CSMD3: variants seen among roughly 807,000 people sequenced by gnomAD.
CSMD3 encodes the protein CUB and Sushi multiple domains 3.
In CSMD3, 177 loss-of-function variants were observed where a neutral mutation model predicts 435.2. The observed-to-expected ratio is 0.41, with a 90% CI of 0.36 to 0.46. The LOEUF is 0.46. Ranked by LOEUF, CSMD3 falls within the 20% of genes least tolerant of loss-of-function variation. The pLI is 0.34. For missense variants in CSMD3, 4,265 were observed against 4,504.6 expected, an observed-to-expected ratio of 0.95 and a Z score of 1.52; for synonymous variants, 1,656 against 1,520.5, an observed-to-expected ratio of 1.09 and a Z score of -2.07.
chr8:112,267,694 G>C (rs180907201), intron 59 of CSMD3, among the ~76,000 whole-genome samples: 1 of 152,026 alleles, frequency 6.6e-6, no homozygotes, highest in Non-Finnish European at 1.5e-5. Context: ...GCTGAGATGC[G>C]GCCACCAAAA....
rs1172429896 is a variant in CSMD3, at chr8:113,090,942, C to CTCTT, written c.917+7810_917+7813dup. On this transcript the variant is annotated intron_variant, in intron 5 of 70. Transcript: ENST00000297405. ...CCTCACTTTCAGGACATGATTTTGC[C>CTCTT]TCTTTCTTAAGAAAGAAATTAGAAA... Among the ~76,000 whole-genome samples, 12 of 152,006 alleles carry CTCTT rather than the reference C, an allele frequency of 7.9e-5. No individual in the cohort carries two copies. In the East Asian group the frequency reaches 2.3e-3, roughly 29 times the overall value.
chr8:112,709,945 A>G (rs1031266631), intron 13 of CSMD3, among the ~76,000 whole-genome samples: 1 of 152,090 alleles, frequency 6.6e-6, no homozygotes, highest in African/African-American at 2.4e-5. Context: ...TTTTGCAAGT[A>G]TATGTAATTT....
chr8:112,296,041 G>A (rs771219248), intron 53 of CSMD3, 35 bp from the exon 54 acceptor site: 1 of 1,523,844 alleles, frequency 6.6e-7, no homozygotes, highest in Non-Finnish European at 9.1e-7. Context: ...TTTTAATACT[G>A]TGATTTGTTT....
chr8:112,443,954 C>T (rs1815322298), intron 32 of CSMD3, among the ~76,000 whole-genome samples: 1 of 152,112 alleles, frequency 6.6e-6, no homozygotes, highest in African/African-American at 2.4e-5. Context: ...GGTACAATAT[C>T]TATTCTCATT....
At position 112,573,742 on chromosome 8, in the gene CSMD3, A is replaced by G. The variant is rs528657328; in HGVS notation, c.3886-85T>C. On this transcript the variant is annotated intron_variant, in intron 23 of 70. Coordinates refer to ENST00000297405, the MANE Select transcript of CSMD3 (RefSeq NM_198123.2). ...GTATTTGTATCTATGAAAAAGAGAA[A>G]AGTGTACTTTTTCTAAATCAGATCA... The G allele has an allele frequency of 4.4e-6, 5 of 1,127,452 alleles. No homozygotes were observed. The African/African-American group carries it at 7.9e-5, about 18-fold the overall frequency. 69.8% of individuals were successfully genotyped at this position (1,127,452 alleles called of 1,614,324 possible). A position where few individuals can be genotyped will look rare whatever the true frequency, so the allele number is the denominator to read the frequency against.
chr8:112,828,632 G>C (rs2079770312), intron 12 of CSMD3, among the ~76,000 whole-genome samples: 1 of 152,258 alleles, frequency 6.6e-6, no homozygotes, highest in Admixed American at 6.5e-5. Flanking sequence ...AAATAATCCA[G>C]TCTCAGGTAG....
chr8:113,255,968 T>C (rs1444412872), intron 3 of CSMD3, among the ~76,000 whole-genome samples: 1 of 152,016 alleles, frequency 6.6e-6, no homozygotes, highest in Non-Finnish European at 1.5e-5. Flanking sequence ...TATTTAAGCC[T>C]CCAATTCTTT....
chr8:112,352,304 C>A, intron 39 of CSMD3, 112 bp downstream of exon 39: 1 of 1,536,842 alleles, frequency 6.5e-7, no homozygotes, highest in Non-Finnish European at 8.9e-7. Flanking sequence ...CTTTTGACCT[C>A]AGACACAAAC....
intron 31 of CSMD3, among the ~76,000 whole-genome samples, chr8:112,477,885 C>T (rs534959453): frequency 1.0e-3 from 153 of 152,318 alleles, no homozygotes; most frequent in African/African-American, 2.8e-3. Flanking sequence ...GCTGTGTCCC[C>T]AGCCAAATCT....
chr8:112,542,266 C>A (rs1826743801), intron 27 of CSMD3, among the ~76,000 whole-genome samples: 1 of 148,962 alleles, frequency 6.7e-6, no homozygotes, highest in South Asian at 2.1e-4. Flanking sequence ...AGGATGTTCA[C>A]TTCCCACTCC....
At position 112,771,744 on chromosome 8, in the gene CSMD3, C is replaced by T. The variant is rs534050486; in HGVS notation, c.1972+28418G>A. On this transcript the variant is annotated intron_variant, in intron 13 of 70. Coordinates refer to ENST00000297405, the MANE Select transcript of CSMD3 (RefSeq NM_198123.2). ...GAAACAACAATGTGTCTTATCCATA[C>T]CAACACAATCTATAAAATAAATTGT... 1.2e-3 allele frequency among the ~76,000 whole-genome samples: 177 copies of T among 151,982 alleles called. 2 individuals are homozygous for T. The highest frequency in any genetic ancestry group is 4.0e-3 in the African/African-American group (166 of 41,486).
At chr8:112,621,809 T>C (rs1169937424) in intron 22 of CSMD3, among the ~76,000 whole-genome samples, 1 of 152,186 alleles carries the variant, frequency 6.6e-6, no homozygotes, top group Admixed American at 6.6e-5. Context: ...GCTCATCTTA[T>C]CCAATTTCTT....
At chr8:113,411,035 G>A (rs1588681191) in intron 1 of CSMD3, among the ~76,000 whole-genome samples, 1 of 151,444 alleles carries the variant, frequency 6.6e-6, no homozygotes. Flanking sequence ...AAGAAAAAGA[G>A]AAAGAAGAGG....
intron 32 of CSMD3, among the ~76,000 whole-genome samples, chr8:112,424,386 A>G (rs1200902313): frequency 6.6e-6 from 1 of 152,214 alleles, no homozygotes; most frequent in African/African-American, 2.4e-5. Flanking sequence ...TATCAGTAAA[A>G]GAAACTATAA....
At chr8:112,700,617 C>T (rs1401786429) in intron 13 of CSMD3, among the ~76,000 whole-genome samples, 1 of 152,116 alleles carries the variant, frequency 6.6e-6, no homozygotes, top group Non-Finnish European at 1.5e-5. Context: ...AGAAGTGACA[C>T]TCATGACCAT....
chr8:112,666,639 G>A (rs1199592203), intron 16 of CSMD3, among the ~76,000 whole-genome samples: 1 of 152,104 alleles, frequency 6.6e-6, no homozygotes, highest in African/African-American at 2.4e-5. Flanking sequence ...CATTTAGCAT[G>A]TCAGGTAATA....
chr8:113,420,978 A>G (rs1019254304), intron 1 of CSMD3, among the ~76,000 whole-genome samples: 3 of 152,120 alleles, frequency 2.0e-5, no homozygotes, highest in African/African-American at 7.2e-5. Flanking sequence ...GATGACTTGT[A>G]TAAATATTAG....
intron 5 of CSMD3, among the ~76,000 whole-genome samples, chr8:113,070,198 A>G (rs1233522613): frequency 6.6e-6 from 1 of 152,088 alleles, no homozygotes; most frequent in Non-Finnish European, 1.5e-5. Flanking sequence ...CTTTTTAAAA[A>G]TTTATCTCCA....
At chr8:112,870,339 G>A (rs768397417) in intron 10 of CSMD3, among the ~76,000 whole-genome samples, 172 of 151,364 alleles carry the variant, frequency 1.1e-3, no homozygotes, top group South Asian at 2.1e-3. Context: ...CTCGATCTCG[G>A]CTCACTGCAA....
Sources: gnomAD v4.1 joint callset for allele counts (sites outside exome capture counted in the v4.1 genomes callset) on GRCh38, gnomAD v4.1.1 for gene constraint, MANE v1.5 for transcripts, NCBI Gene and HGNC (gene_info 2026-07-23, HGNC 2026-07-21) for gene names.